DNM3: variants seen among roughly 807,000 people sequenced by gnomAD.
The protein encoded by DNM3 is dynamin-3.
A neutral mutation model predicts 101.6 loss-of-function variants in DNM3; 47 were observed. The observed-to-expected ratio is 0.46, with a 90% confidence interval of 0.37 to 0.59. DNM3 has a LOEUF of 0.59. Ranked by LOEUF, DNM3 falls within the 20% of genes least tolerant of loss-of-function variation. The probability of loss-of-function intolerance (pLI) is 0.00; values close to 1 mark genes in which losing one functional copy is unlikely to be tolerated. For missense variants in DNM3, 849 were observed against 1,085.7 expected, an observed-to-expected ratio of 0.78 and a Z score of 3.06; for synonymous variants, 385 against 387.9, an observed-to-expected ratio of 0.99 and a Z score of 0.09.
intron 2 of DNM3, among the ~76,000 whole-genome samples, chr1:171,931,520 G>A (rs184582839): frequency 1.1e-4 from 16 of 152,206 alleles, no homozygotes; most frequent in Middle Eastern, 3.4e-3. Context: ...TATGAAATCT[G>A]TACATTTAGA....
At chr1:172,030,502 A>C (rs2048524549) in intron 4 of DNM3, among the ~76,000 whole-genome samples, 1 of 152,076 alleles carries the variant, frequency 6.6e-6, no homozygotes, top group Admixed American at 6.6e-5. Flanking sequence ...CAAAAACTTC[A>C]TGACTAAAAC....
chr1:172,290,009 A>C, intron 15 of DNM3: 2 of 916,462 alleles, frequency 2.2e-6, no homozygotes, highest in Non-Finnish European at 2.6e-6. Context: ...TTGATGATTA[A>C]TTTGTGATAA....
At chr1:172,101,910 G>A (rs982417881) in intron 13 of DNM3, among the ~76,000 whole-genome samples, 1 of 151,838 alleles carries the variant, frequency 6.6e-6, no homozygotes, top group African/African-American at 2.4e-5. Flanking sequence ...CCAGGCTGGA[G>A]TGCAATGGTG....
In DNM3 at chr1:172,038,395, A is replaced by T. The variant is rs199716360; in HGVS notation, c.926A>T (p.His309Leu). Residue 309 changes from histidine to leucine, a missense_variant, in exon 7 of 21, where the codon CAT (histidine) becomes CTT (leucine). Physicochemically the swap from His to Leu is moderately conservative, Grantham distance 99. Transcript: ENST00000627582. ...KLQGQLLSIE[H>L]EVEAYKNFKP... Reference sequence around the variant, plus strand: ...CAGGGACAGTTGCTCTCCATAGAACATGAAGTAGAAGCCTACAAAAATTTC... The same window carrying T: ...CAGGGACAGTTGCTCTCCATAGAACTTGAAGTAGAAGCCTACAAAAATTTC... 2 of 1,613,530 alleles carry T rather than the reference A, an allele frequency of 1.2e-6. No homozygotes were observed. Among genetic ancestry groups the T allele is most frequent in the Admixed American group, 1.7e-5 (1 of 59,942 alleles).
intron 1 of DNM3, among the ~76,000 whole-genome samples, chr1:171,869,169 G>GT (rs547867895): frequency 3.2e-4 from 49 of 151,498 alleles, no homozygotes; most frequent in Middle Eastern, 3.4e-3. Flanking sequence ...CATGTGGTTG[G>GT]TTTTTTTTTG....
chr1:172,172,848 G>T (rs1462531175), intron 14 of DNM3, among the ~76,000 whole-genome samples: 1 of 151,816 alleles, frequency 6.6e-6, no homozygotes, highest in Non-Finnish European at 1.5e-5. Context: ...TAAACAAACG[G>T]TGATGCAGTG....
At chr1:172,104,865 A>G (rs1421767451) in intron 13 of DNM3, among the ~76,000 whole-genome samples, 1 of 152,228 alleles carries the variant, frequency 6.6e-6, no homozygotes, top group East Asian at 1.9e-4. Flanking sequence ...TACAGAGCAG[A>G]GTATAGAGGC....
At chr1:172,043,104 T>C (rs576840766) in intron 8 of DNM3, among the ~76,000 whole-genome samples, 1 of 152,260 alleles carries the variant, frequency 6.6e-6, no homozygotes, top group South Asian at 2.1e-4. Context: ...TAAACTTCTT[T>C]AGCTTTCCAG....
intron 1 of DNM3, among the ~76,000 whole-genome samples, chr1:171,916,231 C>A (rs1025048984): frequency 2.0e-5 from 3 of 152,156 alleles, no homozygotes; most frequent in African/African-American, 4.8e-5. Context: ...TGACCCTGTG[C>A]AAATTATCTG....
chr1:172,269,506 A>G (rs1203741343), intron 15 of DNM3, among the ~76,000 whole-genome samples: 1 of 152,200 alleles, frequency 6.6e-6, no homozygotes, highest in Non-Finnish European at 1.5e-5. Context: ...GAGACACTGT[A>G]GTGGTAAGCT....
chr1:171,909,080 C>A (rs1229790669), intron 1 of DNM3, among the ~76,000 whole-genome samples: 1 of 152,112 alleles, frequency 6.6e-6, no homozygotes, highest in Non-Finnish European at 1.5e-5. Flanking sequence ...TGTCTCTGAA[C>A]TTAAACTGGA....
At chr1:172,313,444 AC>A (rs1204468040) in intron 16 of DNM3, among the ~76,000 whole-genome samples, 2 of 152,214 alleles carry the variant, frequency 1.3e-5, no homozygotes, top group Non-Finnish European at 2.9e-5. Flanking sequence ...CAAACAACTG[AC>A]TTTTCTGGCA....
At chr1:171,844,373 A>C (rs1023831974) in intron 1 of DNM3, among the ~76,000 whole-genome samples, 4 of 152,180 alleles carry the variant, frequency 2.6e-5, no homozygotes, top group African/African-American at 7.2e-5. Context: ...AAGGGTCATC[A>C]CTTGTGTAAA....
chr1:171,853,543 A>G (rs1457193852), intron 1 of DNM3, among the ~76,000 whole-genome samples: 2 of 152,218 alleles, frequency 1.3e-5, no homozygotes, highest in Non-Finnish European at 2.9e-5. Flanking sequence ...TCAGTGGTAT[A>G]CTAGTCTAGA....
intron 14 of DNM3, among the ~76,000 whole-genome samples, chr1:172,184,810 T>G (rs2059466226): frequency 1.3e-5 from 2 of 152,110 alleles, no homozygotes; most frequent in Non-Finnish European, 2.9e-5. Flanking sequence ...ATTAGAGAAG[T>G]TCATCGCTTT....
intron 12 of DNM3, among the ~76,000 whole-genome samples, chr1:172,085,061 C>T (rs1449965582): frequency 6.6e-6 from 1 of 151,932 alleles, no homozygotes; most frequent in Non-Finnish European, 1.5e-5. Flanking sequence ...TTAGACATGG[C>T]CTGTAAAATA....
intron 13 of DNM3, among the ~76,000 whole-genome samples, chr1:172,111,751 G>A (rs1475219295): frequency 6.6e-6 from 1 of 152,104 alleles, no homozygotes; most frequent in Non-Finnish European, 1.5e-5. Context: ...AAGAAAGAGA[G>A]CCACATGGGC....
At chr1:171,991,729 C>CTAGTG (rs2045643300) in intron 4 of DNM3, among the ~76,000 whole-genome samples, 2 of 152,176 alleles carry the variant, frequency 1.3e-5, no homozygotes, top group Non-Finnish European at 2.9e-5. Context: ...GTGACCAGTC[C>CTAGTG]ACTTGCTGAA....
In DNM3 at chr1:172,411,091, TATAA is replaced by T. The variant is rs2071178314; in HGVS notation, c.*3254_*3257del. The T allele has an allele frequency of 1.1e-5, 11 of 983,436 alleles. No homozygotes were observed. The highest frequency in any genetic ancestry group is 1.3e-5 in the Non-Finnish European group (11 of 828,204). 60.9% of individuals were successfully genotyped at this position (983,436 alleles called of 1,614,324 possible). On this transcript the variant is annotated 3_prime_UTR_variant, in exon 21 of 21. Coordinates refer to ENST00000627582, the MANE Select transcript of DNM3 (RefSeq NM_015569.5). Reference sequence around the variant, plus strand: ...ATTGTATGTGCACTGTGTGTATATATATAAATATATGTATATGTATGGTTGTAAA... The same window carrying T: ...ATTGTATGTGCACTGTGTGTATATATATATATGTATATGTATGGTTGTAAA...
Sources: gnomAD v4.1 joint callset for allele counts (sites outside exome capture counted in the v4.1 genomes callset) on GRCh38, gnomAD v4.1.1 for gene constraint, MANE v1.5 for transcripts, NCBI Gene and HGNC (gene_info 2026-07-23, HGNC 2026-07-21) for gene names.